The following OGN variants were observed in gnomAD, a reference collection of about 807,000 sequenced individuals.
OGN encodes mimecan.
Under a neutral mutation model 30.8 loss-of-function variants are expected in OGN, and 19 were observed. That is an observed-to-expected ratio of 0.62 (90% CI 0.43 to 0.90). The LOEUF is 0.90. Ranked by LOEUF, OGN falls within the 40% of genes least tolerant of loss-of-function variation. OGN has a pLI of 0.00. For missense variants in OGN, 283 were observed against 349.7 expected (o/e 0.81, Z 1.52); for synonymous variants, 126 against 128.3 (o/e 0.98, Z 0.12).
At chr9:92,401,208 T>A in intron 2 of OGN, 23 bp from the exon 3 acceptor site, 1 of 1,024,906 alleles carries the variant, frequency 9.8e-7, no homozygotes, top group Non-Finnish European at 1.5e-6. Context: ...TAAAAGTTTG[T>A]TACCTAGCTT....
chr9:92,404,413 C>T, intron 1 of OGN, 83 bp downstream of exon 1: 1 of 890,138 alleles, frequency 1.1e-6, no homozygotes, highest in Non-Finnish European at 1.5e-6. Context: ...CAGAGATGGC[C>T]TTTACATTTA....
intron 5 of OGN, among the ~76,000 whole-genome samples, chr9:92,387,151 T>G (rs543832614): frequency 6.6e-6 from 1 of 150,454 alleles, no homozygotes; most frequent in South Asian, 2.1e-4. Context: ...TGTGGGTGGA[T>G]CACTTGAGGT....
chr9:92,391,945 A>G (rs1399480219), intron 4 of OGN, among the ~76,000 whole-genome samples: 1 of 152,110 alleles, frequency 6.6e-6, no homozygotes, highest in Non-Finnish European at 1.5e-5. Context: ...TTTGGGAGCT[A>G]TCAGTGGCAG....
chr9:92,397,808 C>T (rs72752451), intron 3 of OGN, among the ~76,000 whole-genome samples: 1,714 of 152,184 alleles, frequency 0.011, 21 homozygotes, highest in South Asian at 0.019. Flanking sequence ...GCAACATATA[C>T]GGATATAAAC....
intron 4 of OGN, among the ~76,000 whole-genome samples, chr9:92,390,953 T>C (rs952767186): frequency 1.3e-5 from 2 of 152,170 alleles, no homozygotes; most frequent in African/African-American, 4.8e-5. Context: ...TTCAGCACCA[T>C]GTGTTGGGTC....
Position 92,385,524 on chromosome 9 carries a change from G to T in OGN, c.*96C>A. On this transcript the variant is annotated 3_prime_UTR_variant, in exon 7 of 7. Coordinates refer to ENST00000375561, the MANE Select transcript of OGN (RefSeq NM_014057.5). ...TAAATTCCTTCAAAATGAGATACAAGGTTAATATTAAACCAATACTTAAGT... is the reference window on the plus strand; with the variant it reads ...TAAATTCCTTCAAAATGAGATACAATGTTAATATTAAACCAATACTTAAGT... 2.0e-6 allele frequency: 2 copies of T among 1,023,006 alleles called. No individual in the cohort carries two copies. Among genetic ancestry groups the T allele is most frequent in the East Asian group, 2.4e-5 (1 of 40,868 alleles). The allele number at this position is 1,023,006 out of a possible 1,614,324, so 63.4% of individuals were successfully genotyped here. A position where few individuals can be genotyped will look rare whatever the true frequency, so the allele number is the denominator to read the frequency against.
At chr9:92,399,986 ATGT>A (rs1169980794) in intron 3 of OGN, among the ~76,000 whole-genome samples, 2 of 152,120 alleles carry the variant, frequency 1.3e-5, no homozygotes, top group East Asian at 1.9e-4. Flanking sequence ...TATTTGTTAC[ATGT>A]TGTTCCATAT....
Position 92,404,099 on chromosome 9 carries a change from G to A in OGN, c.-76+397C>T, listed in dbSNP as rs140181852. Among the ~76,000 whole-genome samples, 1,007 of 152,098 alleles carry A rather than the reference G, an allele frequency of 6.6e-3. 15 individuals carry two copies. Among genetic ancestry groups the A allele is most frequent in the African/African-American group, 0.022 (900 of 41,506 alleles). On this transcript the variant is annotated intron_variant, in intron 1 of 6. Transcript: ENST00000375561. ...AGTATTGCAGGCTAGAGGAAATACCGAACTTTAATCAAAGAACTTTGAGGA... is the reference window on the plus strand; with the variant it reads ...AGTATTGCAGGCTAGAGGAAATACCAAACTTTAATCAAAGAACTTTGAGGA...
Position 92,384,959 on chromosome 9 carries a change from C to CT in OGN, c.*660dup, listed in dbSNP as rs1842365710. On this transcript the variant is annotated 3_prime_UTR_variant, in exon 7 of 7. Coordinates refer to ENST00000375561, the MANE Select transcript of OGN (RefSeq NM_014057.5). ...ATATTTAGATAAAGAAAATATTTTACTGAAGACATTACCAGAAAGTAAAAT... is the reference window on the plus strand; with the variant it reads ...ATATTTAGATAAAGAAAATATTTTACTTGAAGACATTACCAGAAAGTAAAAT... 6.6e-6 allele frequency: 1 copy of CT among 152,402 alleles called. No homozygotes were observed. The highest frequency in any genetic ancestry group is 2.4e-5 in the African/African-American group (1 of 41,364). 9.4% of individuals were successfully genotyped at this position (152,402 alleles called of 1,614,324 possible). A position where few individuals can be genotyped will look rare whatever the true frequency, so the allele number is the denominator to read the frequency against.
chr9:92,386,088 T>G, intron 6 of OGN, 113 bp downstream of exon 6: 1 of 772,792 alleles, frequency 1.3e-6, no homozygotes, highest in African/African-American at 1.7e-5. Context: ...GCTATCACGC[T>G]ACTACAGTGA....
rs1212953275 is a variant in OGN at position 92,383,512 on chromosome 9, C to A, written c.*2108G>T. On this transcript the variant is annotated 3_prime_UTR_variant, in exon 7 of 7. Transcript: ENST00000375561. ...AGTAAATCATTTAAAAATTTAAAGCCTCTAATTATTAGTGTCAAGAATGAA... is the reference window on the plus strand; with the variant it reads ...AGTAAATCATTTAAAAATTTAAAGCATCTAATTATTAGTGTCAAGAATGAA... Among the ~76,000 whole-genome samples the A allele has an allele frequency of 6.6e-6, 1 of 151,760 alleles. No individual in the cohort carries two copies. The highest frequency in any genetic ancestry group is 2.4e-5 in the African/African-American group (1 of 41,310).
rs958952552 is a variant in OGN at position 92,403,640 on chromosome 9, T to C, written c.-75-158A>G. 9.4e-6 allele frequency: 11 copies of C among 1,171,380 alleles called. No individual in the cohort carries two copies. In the African/African-American group the frequency reaches 1.6e-4, roughly 17 times the overall value. The allele number at this position is 1,171,380 out of a possible 1,614,324, so 72.6% of individuals were successfully genotyped here. Reference sequence around the variant, plus strand: ...ATGTATCAGTGAACATTCTGAAAAATAGTTTTGGAAAATAGTTTTACTTCT... The same window carrying C: ...ATGTATCAGTGAACATTCTGAAAAACAGTTTTGGAAAATAGTTTTACTTCT... On this transcript the variant is annotated intron_variant, in intron 1 of 6. Transcript: ENST00000375561.
At chr9:92,404,081 C>T (rs1405740024) in intron 1 of OGN, among the ~76,000 whole-genome samples, 1 of 152,050 alleles carries the variant, frequency 6.6e-6, no homozygotes, top group African/African-American at 2.4e-5. Flanking sequence ...AATAGTATTG[C>T]AGGCTAGAGG....
At chr9:92,399,294 A>G (rs1843012943) in intron 3 of OGN, among the ~76,000 whole-genome samples, 1 of 152,092 alleles carries the variant, frequency 6.6e-6, no homozygotes, top group Non-Finnish European at 1.5e-5. Flanking sequence ...TTTAATTTAT[A>G]TGTCTCTGTG....
At chr9:92,398,479 ATTTTCTTATATCC>A (rs1842982118) in intron 3 of OGN, among the ~76,000 whole-genome samples, 1 of 151,490 alleles carries the variant, frequency 6.6e-6, no homozygotes, top group Non-Finnish European at 1.5e-5. Flanking sequence ...ATACATATAT[ATTTTCTTATATCC>A]TTTTCTTTCT....
At chr9:92,399,703 A>C (rs1164346049) in intron 3 of OGN, among the ~76,000 whole-genome samples, 12 of 152,190 alleles carry the variant, frequency 7.9e-5, no homozygotes, top group Admixed American at 7.9e-4. Flanking sequence ...GTATGGACCT[A>C]AATGTACACC....
At chr9:92,400,805 G>A (rs1232311840) in intron 3 of OGN, among the ~76,000 whole-genome samples, 2 of 152,148 alleles carry the variant, frequency 1.3e-5, no homozygotes, top group African/African-American at 2.4e-5. Context: ...CAAATAATCC[G>A]TGTTTAAGTA....
rs1843102048 is a variant in OGN, at chr9:92,401,309, C to T, written c.175-124G>A. The T allele has an allele frequency of 1.5e-5, 8 of 538,110 alleles. No individual in the cohort carries two copies. In the South Asian group the frequency reaches 1.7e-4, roughly 11 times the overall value. 33.3% of individuals were successfully genotyped at this position (538,110 alleles called of 1,614,324 possible). On this transcript the variant is annotated intron_variant, in intron 2 of 6. Transcript: ENST00000375561. ...GGCATTTCCTTTGTGCTCCATTAGG[C>T]TTTCATACATATTTCCATTTTATCA...
At chr9:92,392,997 G>A (rs1227046552) in intron 4 of OGN, 89 bp downstream of exon 4, 7 of 1,016,872 alleles carry the variant, frequency 6.9e-6, no homozygotes, top group Non-Finnish European at 1.0e-5. Context: ...ACCTGAATGT[G>A]ATAGGCAGCA....
Sources: allele counts gnomAD v4.1 joint callset (sites outside exome capture counted in the v4.1 genomes callset), GRCh38; gene constraint gnomAD v4.1.1; transcripts MANE v1.5; gene names NCBI Gene and HGNC (gene_info 2026-07-23, HGNC 2026-07-21).